ADGRL4: variants seen among roughly 807,000 people sequenced by gnomAD.
The protein encoded by ADGRL4 is EGF, latrophilin and seven transmembrane domain containing 1.
A neutral mutation model predicts 74.8 loss-of-function variants in ADGRL4; 90 were observed. The ratio of observed to expected loss-of-function variants is 1.20; its 90% confidence interval spans 1.02 to 1.43. ADGRL4 has a LOEUF of 1.43. Among genes scored for constraint, ADGRL4 ranks in the 40% most tolerant of loss-of-function variants. The probability of loss-of-function intolerance (pLI) is 0.00; values close to 1 mark genes in which losing one functional copy is unlikely to be tolerated. For missense variants in ADGRL4, 881 were observed against 814.3 expected (o/e 1.08, Z -1.00); for synonymous variants, 311 against 279.2 (o/e 1.11, Z -1.14).
rs1649134601 is a variant in ADGRL4, at chr1:78,927,144, T to G, written c.878-53A>C. The G allele has an allele frequency of 3.4e-6, 4 of 1,184,386 alleles. No homozygotes were observed. The Admixed American group carries it at 8.0e-5, about 24-fold the overall frequency. The allele number at this position is 1,184,386 out of a possible 1,614,324, so 73.4% of individuals were successfully genotyped here. On this transcript the variant is annotated intron_variant, in intron 7 of 14. Coordinates refer to ENST00000370742, the MANE Select transcript of ADGRL4 (RefSeq NM_022159.4). ...AAATTCTTATAAAACAAAGTGTATTTAGACTCTTAAGATAAACATAAAAAT... is the reference window on the plus strand; with the variant it reads ...AAATTCTTATAAAACAAAGTGTATTGAGACTCTTAAGATAAACATAAAAAT...
chr1:78,973,357 T>C (rs1390345015), intron 2 of ADGRL4, among the ~76,000 whole-genome samples: 1 of 151,898 alleles, frequency 6.6e-6, no homozygotes, highest in Non-Finnish European at 1.5e-5. Flanking sequence ...GAATGATTAT[T>C]TGTGAATGTT....
At chr1:78,911,841 C>T (rs934274082) in intron 12 of ADGRL4, among the ~76,000 whole-genome samples, 1 of 151,774 alleles carries the variant, frequency 6.6e-6, no homozygotes, top group South Asian at 2.1e-4. Flanking sequence ...TTACCATAGC[C>T]GTGTTATGTA....
intron 2 of ADGRL4, among the ~76,000 whole-genome samples, chr1:78,975,326 A>G (rs1279213261): frequency 6.6e-6 from 1 of 152,126 alleles, no homozygotes; most frequent in African/African-American, 2.4e-5. Flanking sequence ...TAATTAGAAT[A>G]TAGGAACAAT....
At chr1:78,900,886 T>A (rs958467320) in intron 12 of ADGRL4, among the ~76,000 whole-genome samples, 1 of 152,118 alleles carries the variant, frequency 6.6e-6, no homozygotes, top group African/African-American at 2.4e-5. Context: ...AAATACCCTA[T>A]AATTATAGTT....
Position 78,891,709 on chromosome 1 carries a change from A to G in ADGRL4, c.1842-17T>C, listed in dbSNP as rs1221085563. ...GCACAAGACCTATCACATATGAGAA[A>G]TGCGTCAGTGAAGAAAGCTACGTAT... On this transcript the variant is annotated splice_polypyrimidine_tract_variant and intron_variant, in intron 13 of 14. Coordinates refer to ENST00000370742, the MANE Select transcript of ADGRL4 (RefSeq NM_022159.4). 3 of 1,595,788 alleles carry G rather than the reference A, an allele frequency of 1.9e-6. No homozygotes were observed. The highest frequency in any genetic ancestry group is 2.6e-6 in the Non-Finnish European group (3 of 1,173,628).
intron 2 of ADGRL4, among the ~76,000 whole-genome samples, chr1:78,953,588 A>C (rs1188350827): frequency 1.3e-5 from 2 of 152,234 alleles, no homozygotes; most frequent in Non-Finnish European, 2.9e-5. Flanking sequence ...AATGAAATAC[A>C]TTTGTAGAAA....
intron 3 of ADGRL4, among the ~76,000 whole-genome samples, chr1:78,942,034 C>T (rs1001005508): frequency 6.6e-6 from 1 of 151,850 alleles, no homozygotes; most frequent in African/African-American, 2.4e-5. Context: ...CCCGTCTCTA[C>T]TAAAAATACA....
chr1:78,895,412 T>C (rs547878449), intron 12 of ADGRL4, among the ~76,000 whole-genome samples: 10 of 152,112 alleles, frequency 6.6e-5, no homozygotes, highest in African/African-American at 2.2e-4. Context: ...AAACAGATAG[T>C]AAACAAATAA....
intron 12 of ADGRL4, among the ~76,000 whole-genome samples, chr1:78,899,952 T>C (rs1648484269): frequency 1.3e-5 from 2 of 152,180 alleles, no homozygotes; most frequent in Admixed American, 1.3e-4. Flanking sequence ...ATAGAATTAA[T>C]GTTATAAACT....
chr1:78,929,169 T>G (rs933381657), intron 7 of ADGRL4, among the ~76,000 whole-genome samples: 1 of 151,448 alleles, frequency 6.6e-6, no homozygotes, highest in African/African-American at 2.5e-5. Flanking sequence ...CTATTAATTC[T>G]CAACCCTTCC....
chr1:78,925,301 A>G (rs1190163526), intron 8 of ADGRL4, among the ~76,000 whole-genome samples: 1 of 152,078 alleles, frequency 6.6e-6, no homozygotes, highest in Admixed American at 6.6e-5. Flanking sequence ...TAAAATGGTA[A>G]TAATAGTATG....
At chr1:78,962,354 A>G (rs565753899) in intron 2 of ADGRL4, among the ~76,000 whole-genome samples, 1 of 152,232 alleles carries the variant, frequency 6.6e-6, no homozygotes, top group African/African-American at 2.4e-5. Context: ...ATCTAACTCA[A>G]TAGCTACTAG....
At chr1:78,930,541 T>C (rs1351725521) in intron 7 of ADGRL4, among the ~76,000 whole-genome samples, 1 of 139,236 alleles carries the variant, frequency 7.2e-6, no homozygotes, top group African/African-American at 2.7e-5. Flanking sequence ...AACCTACATC[T>C]CCCCGGTTCA....
intron 2 of ADGRL4, among the ~76,000 whole-genome samples, chr1:78,989,953 G>A (rs955814200): frequency 2.6e-5 from 4 of 151,864 alleles, no homozygotes; most frequent in Non-Finnish European, 5.9e-5. Flanking sequence ...GCCTTCTTTA[G>A]AAAGTCTGCT....
intron 2 of ADGRL4, among the ~76,000 whole-genome samples, chr1:78,953,150 T>A (rs1036231168): frequency 1.3e-5 from 2 of 152,194 alleles, no homozygotes; most frequent in Non-Finnish European, 2.9e-5. Flanking sequence ...ACCACTTATC[T>A]TGACCATTGG....
intron 2 of ADGRL4, among the ~76,000 whole-genome samples, chr1:78,986,833 C>A (rs1650508244): frequency 6.6e-6 from 1 of 151,550 alleles, no homozygotes; most frequent in Non-Finnish European, 1.5e-5. Context: ...TAAGTTAAAA[C>A]CTCAAAATGA....
intron 2 of ADGRL4, among the ~76,000 whole-genome samples, chr1:78,981,646 T>A (rs1294961658): frequency 6.6e-6 from 1 of 151,868 alleles, no homozygotes; most frequent in African/African-American, 2.4e-5. Flanking sequence ...TGATTTTAAT[T>A]TCAAAAAAGT....
At chr1:78,909,880 G>A (rs1240310928) in intron 12 of ADGRL4, among the ~76,000 whole-genome samples, 1 of 151,612 alleles carries the variant, frequency 6.6e-6, no homozygotes, top group Admixed American at 6.6e-5. Flanking sequence ...AGTAAACTTT[G>A]GAAATACATT....
At chr1:78,935,266 G>A (rs1173019534) in intron 7 of ADGRL4, among the ~76,000 whole-genome samples, 1 of 152,110 alleles carries the variant, frequency 6.6e-6, no homozygotes, top group Non-Finnish European at 1.5e-5. Flanking sequence ...ACTTTGATGA[G>A]AGCTGGAAGC....
Sources: gnomAD v4.1 joint callset for allele counts (sites outside exome capture counted in the v4.1 genomes callset) on GRCh38, gnomAD v4.1.1 for gene constraint, MANE v1.5 for transcripts, NCBI Gene and HGNC (gene_info 2026-07-23, HGNC 2026-07-21) for gene names.